The following NTRK2 variants were observed in gnomAD, a reference collection of about 807,000 sequenced individuals.
NTRK2 encodes BDNF/NT-3 growth factors receptor.
Under a neutral mutation model 94.5 loss-of-function variants are expected in NTRK2, and 13 were observed. That is an observed-to-expected ratio of 0.14 (90% confidence interval 0.09 to 0.22). The LOEUF (loss-of-function observed/expected upper bound fraction) is 0.22. NTRK2 is among the 10% of genes least tolerant of loss of function. The probability of loss-of-function intolerance (pLI) is 1.00; values close to 1 mark genes in which losing one functional copy is unlikely to be tolerated. For synonymous variants in NTRK2, 372 were observed against 407.4 expected (o/e 0.91, Z 1.05); for missense variants, 639 against 1,071.2 (o/e 0.60, Z 5.63).
At chr9:84,681,184 G>A (rs1017012483) in intron 2 of NTRK2, among the ~76,000 whole-genome samples, 3 of 152,088 alleles carry the variant, frequency 2.0e-5, no homozygotes, top group Non-Finnish European at 4.4e-5. Context: ...TTGGACTCAT[G>A]TGTGCAATAC....
intron 14 of NTRK2, among the ~76,000 whole-genome samples, chr9:84,924,719 C>G (rs917462054): frequency 6.6e-6 from 1 of 152,178 alleles, no homozygotes; most frequent in African/African-American, 2.4e-5. Flanking sequence ...GGGAATTTAA[C>G]TTCAAATAAT....
At chr9:84,792,107 T>C (rs2068797741) in intron 12 of NTRK2, among the ~76,000 whole-genome samples, 1 of 152,224 alleles carries the variant, frequency 6.6e-6, no homozygotes, top group Non-Finnish European at 1.5e-5. Flanking sequence ...AAGTGTGAAC[T>C]ACAGCAGCAA....
chr9:84,748,770 G>A (rs1421993617), intron 11 of NTRK2, among the ~76,000 whole-genome samples: 1 of 152,142 alleles, frequency 6.6e-6, no homozygotes, highest in African/African-American at 2.4e-5. Context: ...GAAACTTATA[G>A]CTAAAATACT....
At chr9:84,768,842 G>T (rs1379962907) in intron 12 of NTRK2, among the ~76,000 whole-genome samples, 2 of 152,136 alleles carry the variant, frequency 1.3e-5, no homozygotes, top group Admixed American at 6.6e-5. Context: ...GGAAACATCA[G>T]GGGTAAGGGG....
intron 17 of NTRK2, among the ~76,000 whole-genome samples, chr9:85,017,926 G>T (rs193200443): frequency 6.6e-6 from 1 of 152,274 alleles, no homozygotes; most frequent in Admixed American, 6.5e-5. Context: ...CTTCTTTATA[G>T]GGTAGGAAGA....
chr9:84,757,441 C>A (rs796916576), intron 12 of NTRK2, among the ~76,000 whole-genome samples: 1 of 152,124 alleles, frequency 6.6e-6, no homozygotes, highest in Non-Finnish European at 1.5e-5. Context: ...ATTTGCCTTG[C>A]GGATTTTTCT....
At chr9:85,008,081 T>C (rs1206657352) in intron 17 of NTRK2, among the ~76,000 whole-genome samples, 4 of 152,060 alleles carry the variant, frequency 2.6e-5, no homozygotes. Context: ...GCAGTCTTCT[T>C]CCATGTGATC....
chr9:84,689,121 G>A (rs1271869011), intron 2 of NTRK2, among the ~76,000 whole-genome samples: 2 of 152,226 alleles, frequency 1.3e-5, no homozygotes, highest in East Asian at 1.9e-4. Context: ...ATATGTGTGC[G>A]CATGTGTGGA....
intron 12 of NTRK2, among the ~76,000 whole-genome samples, chr9:84,808,478 T>G (rs569912994): frequency 6.6e-6 from 1 of 152,252 alleles, no homozygotes; most frequent in African/African-American, 2.4e-5. Context: ...ATTGACAAAG[T>G]TGACATCCTT....
At chr9:84,693,285 G>A (rs1233010210) in intron 2 of NTRK2, among the ~76,000 whole-genome samples, 1 of 152,038 alleles carries the variant, frequency 6.6e-6, no homozygotes, top group African/African-American at 2.4e-5. Flanking sequence ...TTGCATTCAG[G>A]GCTCTGGCAA....
chr9:84,879,654 G>A (rs2076196953), intron 14 of NTRK2, among the ~76,000 whole-genome samples: 2 of 152,180 alleles, frequency 1.3e-5, no homozygotes, highest in South Asian at 4.1e-4. Context: ...CCTGAACAAG[G>A]GGTTGTTATT....
chr9:84,841,163 C>G (rs1318535670), intron 12 of NTRK2, among the ~76,000 whole-genome samples: 1 of 152,194 alleles, frequency 6.6e-6, no homozygotes, highest in Non-Finnish European at 1.5e-5. Flanking sequence ...TTGCCCACCT[C>G]TCGTTTCCAA....
At chr9:84,799,142 A>T (rs2070060425) in intron 12 of NTRK2, among the ~76,000 whole-genome samples, 1 of 151,818 alleles carries the variant, frequency 6.6e-6, no homozygotes, top group Admixed American at 6.6e-5. Context: ...TCTTCACATC[A>T]ATCAAGGGGA....
At chr9:84,722,160 C>CTTTTTTT (rs36100177) in intron 6 of NTRK2, among the ~76,000 whole-genome samples, 5 of 67,090 alleles carry the variant, frequency 7.5e-5, no homozygotes, top group East Asian at 5.0e-4. Context: ...CTATTAGGGG[C>CTTTTTTT]TTTTTTTTTT....
intron 12 of NTRK2, among the ~76,000 whole-genome samples, chr9:84,840,168 A>C (rs1268772433): frequency 2.0e-5 from 3 of 151,842 alleles, no homozygotes; most frequent in Admixed American, 6.6e-5. Context: ...GCCTGGCGTC[A>C]GTCATGCTCT....
chr9:84,962,594 G>A (rs1162819932), intron 17 of NTRK2, among the ~76,000 whole-genome samples: 1 of 152,128 alleles, frequency 6.6e-6, no homozygotes, highest in African/African-American at 2.4e-5. Context: ...AGGTGCACTG[G>A]GAATGACAGT....
In NTRK2 at chr9:85,025,806, A is replaced by G. The variant is rs988945124; in HGVS notation, c.*4369A>G. ...TAGTGACCCAACTCTCCAAATGTCT[A>G]AGTTAGTAGTTACAGCTGATTTTTT... is the stretch of plus-strand genomic sequence containing the variant. On this transcript the variant is annotated 3_prime_UTR_variant, in exon 19 of 19. Coordinates refer to ENST00000277120, the MANE Select transcript of NTRK2 (RefSeq NM_006180.6). 4 of 232,778 alleles carry G rather than the reference A, an allele frequency of 1.7e-5. No individual in the cohort carries two copies. Among genetic ancestry groups the G allele is most frequent in the Non-Finnish European group, 3.4e-5 (4 of 117,862 alleles). The allele number at this position is 232,778 out of a possible 1,614,324, so 14.4% of individuals were successfully genotyped here.
intron 12 of NTRK2, chr9:84,815,305 G>GT: frequency 9.5e-7 from 1 of 1,049,838 alleles, no homozygotes. Flanking sequence ...ACTGCAGTGG[G>GT]TTTTTATGGG....
intron 2 of NTRK2, among the ~76,000 whole-genome samples, chr9:84,676,461 G>T (rs960957424): frequency 6.6e-6 from 1 of 152,198 alleles, no homozygotes; most frequent in African/African-American, 2.4e-5. Context: ...GTACTGGTCT[G>T]ATGAGTCCAA....
Sources: allele counts gnomAD v4.1 joint callset (sites outside exome capture counted in the v4.1 genomes callset), GRCh38; gene constraint gnomAD v4.1.1; transcripts MANE v1.5; gene names NCBI Gene and HGNC (gene_info 2026-07-23, HGNC 2026-07-21).